The following ZNF407 variants were observed in gnomAD, a reference collection of about 807,000 sequenced individuals.
ZNF407 encodes the protein zinc finger protein 407.
ZNF407 carries 17 observed loss-of-function variants against 131.2 expected under a neutral mutation model. That is an observed-to-expected ratio of 0.13 (90% confidence interval 0.09 to 0.19). ZNF407 has a LOEUF of 0.19. ZNF407 is among the 10% of genes least tolerant of loss of function. The probability of loss-of-function intolerance (pLI) is 1.00; values close to 1 mark genes in which losing one functional copy is unlikely to be tolerated. For missense variants in ZNF407, 2,681 were observed against 2,830.6 expected (o/e 0.95, Z 1.20); for synonymous variants, 1,156 against 1,062.0 (o/e 1.09, Z -1.72).
intron 3 of ZNF407, among the ~76,000 whole-genome samples, chr18:74,689,493 TG>T: frequency 6.6e-6 from 1 of 152,334 alleles, no homozygotes; most frequent in Non-Finnish European, 1.5e-5. Context: ...TGCAGCTGCA[TG>T]GCTATTTAAT....
intron 7 of ZNF407, among the ~76,000 whole-genome samples, chr18:74,900,021 A>G (rs776737588): frequency 6.6e-6 from 1 of 152,224 alleles, no homozygotes; most frequent in Non-Finnish European, 1.5e-5. Flanking sequence ...TTGTGTTGGC[A>G]TTCATTTGTT....
chr18:74,920,967 G>A (rs1971839416), intron 8 of ZNF407: 1 of 1,118,444 alleles, frequency 8.9e-7, no homozygotes, highest in Admixed American at 4.8e-5. Context: ...AAGCATAGTT[G>A]ACCTGAAATG....
chr18:74,755,565 T>G (rs1968914969), intron 3 of ZNF407, among the ~76,000 whole-genome samples: 1 of 27,776 alleles, frequency 3.6e-5, no homozygotes, highest in Non-Finnish European at 6.5e-5. Context: ...TCTTCCTTCC[T>G]TCCTTCCTCC....
At chr18:74,912,602 C>T (rs575737897) in intron 7 of ZNF407, among the ~76,000 whole-genome samples, 37 of 152,228 alleles carry the variant, frequency 2.4e-4, no homozygotes, top group African/African-American at 7.9e-4. Flanking sequence ...CCACATTTAA[C>T]TTACTGTAGG....
Position 74,632,448 on chromosome 18 carries a change from C to G in ZNF407, c.1429C>G (p.Leu477Val). 1 of 1,614,034 alleles carries G rather than the reference C, an allele frequency of 6.2e-7. No individual in the cohort carries two copies. Among genetic ancestry groups the G allele is most frequent in the Non-Finnish European group, 8.5e-7 (1 of 1,179,906 alleles). Residue 477 changes from leucine (L) to valine (V), a missense_variant, in exon 2 of 9, where the codon CTG (leucine) becomes GTG (valine). By Grantham distance (32) the Leu-to-Val change is conservative (BLOSUM62 1). This residue lies in a region of ZNF407 where 1,789 missense variants were observed against 1,748.7 expected (regional missense o/e 1.02). Transcript: ENST00000299687. ...QMKTHDAESV[L>V]KHLEACSSVQ... Reference sequence around the variant, plus strand: ...GAAAACACACGATGCAGAATCAGTGCTGAAACACCTGGAAGCGTGCAGCAG... The same window carrying G: ...GAAAACACACGATGCAGAATCAGTGGTGAAACACCTGGAAGCGTGCAGCAG...
At chr18:74,917,349 A>G (rs2145236345) in intron 7 of ZNF407, among the ~76,000 whole-genome samples, 1 of 152,350 alleles carries the variant, frequency 6.6e-6, no homozygotes, top group South Asian at 2.1e-4. Context: ...AATATAATAG[A>G]ACATAAAAAC....
chr18:74,954,435 G>T (rs932244798), intron 8 of ZNF407, among the ~76,000 whole-genome samples: 1 of 151,962 alleles, frequency 6.6e-6, no homozygotes, highest in Admixed American at 6.6e-5. Flanking sequence ...TTCCACTTAG[G>T]ATATAAAATA....
intron 3 of ZNF407, among the ~76,000 whole-genome samples, chr18:74,727,726 T>C (rs1235671671): frequency 6.6e-6 from 1 of 152,222 alleles, no homozygotes; most frequent in Non-Finnish European, 1.5e-5. Flanking sequence ...CAAGTCGCCA[T>C]GCGCGGCAGG....
intron 7 of ZNF407, among the ~76,000 whole-genome samples, chr18:74,900,608 T>C (rs1971511457): frequency 6.6e-6 from 1 of 152,230 alleles, no homozygotes. Context: ...ACATCTTTTC[T>C]GTGACTAATT....
rs184300639 is a variant in ZNF407, at chr18:74,685,416, T to G, written c.4802+44294T>G. Among the ~76,000 whole-genome samples, 400 of 152,304 alleles carry G rather than the reference T, an allele frequency of 2.6e-3. 1 individual carries two copies. Among genetic ancestry groups the G allele is most frequent in the Admixed American group, 4.2e-3 (65 of 15,304 alleles). Reference sequence around the variant, plus strand: ...ACTGTCTTCCTTCTCCTATTACTGATATAGGTCTCCTGCTCAATGGCTGAC... The same window carrying G: ...ACTGTCTTCCTTCTCCTATTACTGAGATAGGTCTCCTGCTCAATGGCTGAC... On this transcript the variant is annotated intron_variant, in intron 3 of 8. Transcript: ENST00000299687.
intron 7 of ZNF407, among the ~76,000 whole-genome samples, chr18:74,908,637 G>A (rs950404909): frequency 2.6e-5 from 4 of 152,062 alleles, no homozygotes; most frequent in Non-Finnish European, 4.4e-5. Context: ...GCTTTTAACC[G>A]ATTTTAAATT....
Position 74,747,803 on chromosome 18 carries a change from A to T in ZNF407, c.4803-33625A>T, listed in dbSNP as rs551093533. On this transcript the variant is annotated intron_variant, in intron 3 of 8. Coordinates refer to ENST00000299687, the MANE Select transcript of ZNF407 (RefSeq NM_017757.3). ...TTTGAAGAATTTTCATTATGAATAT[A>T]ATTTTCTGAGTGAAACCATGCAATG... is the stretch of plus-strand genomic sequence containing the variant. 5.3e-5 allele frequency among the ~76,000 whole-genome samples: 8 copies of T among 152,284 alleles called. No homozygotes were observed. The South Asian group carries it at 1.7e-3, about 32-fold the overall frequency.
Position 74,949,701 on chromosome 18 carries a change from A to AT in ZNF407, c.5428+29015dup, listed in dbSNP as rs199566072. On this transcript the variant is annotated intron_variant, in intron 8 of 8. Transcript: ENST00000299687. ...AACAAAGCCTGAATCCTTAAAGGTT[A>AT]TTTTTTACAGGAGATTGGGGGTGCT... Among the ~76,000 whole-genome samples, 1,346 of 152,142 alleles carry AT rather than the reference A, an allele frequency of 8.8e-3. 22 individuals are homozygous for AT. Among genetic ancestry groups the AT allele is most frequent in the African/African-American group, 0.029 (1,218 of 41,478 alleles).
At chr18:74,717,392 G>A (rs919456520) in intron 3 of ZNF407, among the ~76,000 whole-genome samples, 1 of 152,090 alleles carries the variant, frequency 6.6e-6, no homozygotes, top group African/African-American at 2.4e-5. Flanking sequence ...GTGATTCTGT[G>A]GAGAGTGCAG....
chr18:74,599,700 C>T (rs1413257476), intron 1 of ZNF407, among the ~76,000 whole-genome samples: 1 of 152,132 alleles, frequency 6.6e-6, no homozygotes, highest in Non-Finnish European at 1.5e-5. Context: ...AACATTCATT[C>T]CGATTAGGTT....
At chr18:74,922,715 G>A (rs1413314139) in intron 8 of ZNF407, among the ~76,000 whole-genome samples, 1 of 152,178 alleles carries the variant, frequency 6.6e-6, no homozygotes, top group African/African-American at 2.4e-5. Flanking sequence ...GGAGTTCAGT[G>A]GAGACCCTGA....
chr18:74,837,364 A>C (rs1199513458), intron 4 of ZNF407, among the ~76,000 whole-genome samples: 2 of 152,088 alleles, frequency 1.3e-5, no homozygotes, highest in Non-Finnish European at 2.9e-5. Context: ...AGAGTCACAT[A>C]CAAATTACTT....
rs537711138 is a variant in ZNF407 at position 75,005,206 on chromosome 18, C to G, written c.5429-57944C>G. On this transcript the variant is annotated intron_variant, in intron 8 of 8. Coordinates refer to ENST00000299687, the MANE Select transcript of ZNF407 (RefSeq NM_017757.3). ...AGTTCGATGAGTTGTAGATGCACAG[C>G]TTACCAGAGAGGATTTACGGGCAGT... Among the ~76,000 whole-genome samples the G allele has an allele frequency of 3.9e-5, 6 of 152,274 alleles. No homozygotes were observed. In the East Asian group the frequency reaches 1.2e-3, roughly 29 times the overall value.
At chr18:74,926,546 G>A (rs1971916375) in intron 8 of ZNF407, among the ~76,000 whole-genome samples, 1 of 152,174 alleles carries the variant, frequency 6.6e-6, no homozygotes, top group South Asian at 2.1e-4. Context: ...GCTCACGCCT[G>A]TAATCCCAGC....
Sources: allele counts gnomAD v4.1 joint callset (sites outside exome capture counted in the v4.1 genomes callset), GRCh38; gene constraint gnomAD v4.1.1; regional missense constraint gnomAD v4.1.1; transcripts MANE v1.5; gene names NCBI Gene and HGNC (gene_info 2026-07-23, HGNC 2026-07-21).